Variants in BMAL2 observed in about 807,000 individuals in gnomAD.
BMAL2 encodes basic helix-loop-helix ARNT like 2.
the BMAL2 span, chr12:27,389,392 T>C: frequency 4.0e-6 from 3 of 745,474 alleles, no homozygotes; most frequent in Non-Finnish European, 6.7e-6. Context: ...CTAACTAAGC[T>C]TTTATCAAGA....
chr12:27,333,197 G>T, the BMAL2 span: 1 of 1,159,556 alleles, frequency 8.6e-7, no homozygotes. Context: ...TGCCCCCGCT[G>T]CCCCGAGGGA....
chr12:27,378,923 G>A, the BMAL2 span, among the ~76,000 whole-genome samples: 1 of 152,082 alleles, frequency 6.6e-6, no homozygotes, highest in Non-Finnish European at 1.5e-5. Context: ...AAGAGGAAGG[G>A]TCTAAACCAG....
At chr12:27,402,456 G>A in the BMAL2 span, among the ~76,000 whole-genome samples, 1 of 152,142 alleles carries the variant, frequency 6.6e-6, no homozygotes, top group East Asian at 1.9e-4. Context: ...ATGATACTTA[G>A]CACATTAAGA....
the BMAL2 span, among the ~76,000 whole-genome samples, chr12:27,414,794 G>A: frequency 6.6e-6 from 1 of 152,036 alleles, no homozygotes; most frequent in African/African-American, 2.4e-5. Context: ...GAAACAGATT[G>A]AATCAAGATT....
At chr12:27,397,963 G>T in the BMAL2 span, among the ~76,000 whole-genome samples, 5 of 152,210 alleles carry the variant, frequency 3.3e-5, no homozygotes, top group Non-Finnish European at 7.3e-5. Flanking sequence ...GCATGCCACT[G>T]GCCTCCAGTG....
At chr12:27,363,670 T>G in the BMAL2 span, among the ~76,000 whole-genome samples, 1 of 152,244 alleles carries the variant, frequency 6.6e-6, no homozygotes. Flanking sequence ...TTGGTCTTTT[T>G]CTTATTGATT....
the BMAL2 span, among the ~76,000 whole-genome samples, chr12:27,333,334 G>A: frequency 6.6e-6 from 1 of 151,974 alleles, no homozygotes; most frequent in Non-Finnish European, 1.5e-5. Context: ...ACGCGGGGAG[G>A]GGAGCTGGGG....
chr12:27,349,124 C>CA, the BMAL2 span, among the ~76,000 whole-genome samples: 1 of 152,146 alleles, frequency 6.6e-6, no homozygotes, highest in African/African-American at 2.4e-5. Flanking sequence ...TGGGCAGCAT[C>CA]ATGCAGTGCA....
chr12:27,409,921 A>G, the BMAL2 span, among the ~76,000 whole-genome samples: 2 of 152,184 alleles, frequency 1.3e-5, no homozygotes, highest in Non-Finnish European at 2.9e-5. Context: ...AACCCCATTA[A>G]AAAGTGGGCA....
chr12:27,381,328 G>A, the BMAL2 span, among the ~76,000 whole-genome samples: 1,859 of 152,262 alleles, frequency 0.012, 14 homozygotes, highest in South Asian at 0.03. Flanking sequence ...CCTGAGACTG[G>A]GTAATTTATA....
the BMAL2 span, among the ~76,000 whole-genome samples, chr12:27,391,732 A>G: frequency 1.3e-5 from 2 of 152,196 alleles, no homozygotes; most frequent in African/African-American, 2.4e-5. Flanking sequence ...ACTTGCAGAG[A>G]GTCAAATAGG....
chr12:27,416,044 CAAA>C, the BMAL2 span: 1 of 729,070 alleles, frequency 1.4e-6, no homozygotes, highest in Non-Finnish European at 2.1e-6. Context: ...GCCATTCTGT[CAAA>C]AAAAAAATGA....
At chr12:27,377,208 A>G in the BMAL2 span, among the ~76,000 whole-genome samples, 5 of 152,204 alleles carry the variant, frequency 3.3e-5, no homozygotes, top group Non-Finnish European at 5.9e-5. Flanking sequence ...AACTGTACAC[A>G]GAATTAGGAG....
At chr12:27,409,551 G>T in the BMAL2 span, among the ~76,000 whole-genome samples, 2 of 152,180 alleles carry the variant, frequency 1.3e-5, no homozygotes, top group Non-Finnish European at 2.9e-5. Flanking sequence ...TATGTAGAAA[G>T]CTGAAACTGG....
At chr12:27,334,642 C>T in the BMAL2 span, among the ~76,000 whole-genome samples, 1 of 152,150 alleles carries the variant, frequency 6.6e-6, no homozygotes, top group Non-Finnish European at 1.5e-5. Flanking sequence ...TTACAACAAG[C>T]TTTTAGATAA....
the BMAL2 span, among the ~76,000 whole-genome samples, chr12:27,393,463 T>C: frequency 1.1e-4 from 17 of 152,202 alleles, no homozygotes; most frequent in Admixed American, 6.5e-5. Context: ...AGAGCCTACT[T>C]TGACAGTCAC....
chr12:27,385,845 C>A, the BMAL2 span, among the ~76,000 whole-genome samples: 1 of 152,002 alleles, frequency 6.6e-6, no homozygotes, highest in African/African-American at 2.4e-5. Context: ...GATCTACTCC[C>A]CCATGATCAC....
At chr12:27,421,333 G>T in the BMAL2 span, 2 of 152,108 alleles carry the variant, frequency 1.3e-5, no homozygotes, top group African/African-American at 4.8e-5. Context: ...ATCACTTGAG[G>T]TCAGGAGTTC....
chr12:27,392,279 T>C, the BMAL2 span, among the ~76,000 whole-genome samples: 1 of 152,222 alleles, frequency 6.6e-6, no homozygotes, highest in Non-Finnish European at 1.5e-5. Context: ...CATCACGTGC[T>C]TAGCCTGGTT....
Sources: gnomAD v4.1 joint callset for allele counts (sites outside exome capture counted in the v4.1 genomes callset) on GRCh38, gnomAD v4.1.1 for gene constraint, MANE v1.5 for transcripts, NCBI Gene and HGNC (gene_info 2026-07-23, HGNC 2026-07-21) for gene names.